The following SLC4A10 variants were observed in gnomAD, a reference collection of about 807,000 sequenced individuals.
SLC4A10 encodes the protein sodium-driven chloride bicarbonate exchanger.
A neutral mutation model predicts 137.7 loss-of-function variants in SLC4A10; 42 were observed. The ratio of observed to expected loss-of-function variants is 0.30; its 90% CI spans 0.24 to 0.39. The LOEUF is 0.39. SLC4A10 is among the 10% of genes least tolerant of loss of function. The probability of loss-of-function intolerance (pLI) is 1.00; values close to 1 mark genes in which losing one functional copy is unlikely to be tolerated. For synonymous variants in SLC4A10, 474 were observed against 464.1 expected, an observed-to-expected ratio of 1.02 and a Z score of -0.27; for missense variants, 925 against 1,355.0, an observed-to-expected ratio of 0.68 and a Z score of 4.98.
intron 23 of SLC4A10, among the ~76,000 whole-genome samples, chr2:161,966,820 A>G (rs910429648): frequency 6.6e-6 from 1 of 152,084 alleles, no homozygotes; most frequent in African/African-American, 2.4e-5. Context: ...GTTTGCTTTC[A>G]TCCTCAGATA....
At chr2:161,917,576 T>TA (rs774860851) in intron 15 of SLC4A10, among the ~76,000 whole-genome samples, 276 of 102,854 alleles carry the variant, frequency 2.7e-3, no homozygotes, top group Middle Eastern at 0.016. Flanking sequence ...AGACCCTGTC[T>TA]AAAAAAAAAA....
chr2:161,751,589 A>G (rs1280626977), intron 1 of SLC4A10, among the ~76,000 whole-genome samples: 6 of 151,754 alleles, frequency 4.0e-5, no homozygotes, highest in Non-Finnish European at 4.4e-5. Flanking sequence ...TTGATCATAT[A>G]TAGATATTTA....
chr2:161,884,916 A>G (rs1200407081), intron 10 of SLC4A10, among the ~76,000 whole-genome samples: 2 of 151,598 alleles, frequency 1.3e-5, no homozygotes, highest in Non-Finnish European at 3.0e-5. Context: ...AATGGCTTAC[A>G]TCTGTAATCC....
At chr2:161,690,532 T>C (rs553212583) in intron 1 of SLC4A10, among the ~76,000 whole-genome samples, 8 of 152,114 alleles carry the variant, frequency 5.3e-5, no homozygotes, top group African/African-American at 1.9e-4. Context: ...AGCAAAGACA[T>C]GGAATCAACC....
intron 1 of SLC4A10, among the ~76,000 whole-genome samples, chr2:161,680,206 C>T (rs1278207876): frequency 6.6e-6 from 1 of 152,058 alleles, no homozygotes; most frequent in East Asian, 1.9e-4. Flanking sequence ...TGTTGATTCA[C>T]TTATTCATTT....
intron 1 of SLC4A10, among the ~76,000 whole-genome samples, chr2:161,719,916 A>G (rs1182813941): frequency 6.6e-6 from 1 of 152,122 alleles, no homozygotes; most frequent in Non-Finnish European, 1.5e-5. Context: ...CCATTTGTCA[A>G]TTTTGGCTTT....
chr2:161,663,556 A>G (rs1331881251), intron 1 of SLC4A10, among the ~76,000 whole-genome samples: 1 of 152,134 alleles, frequency 6.6e-6, no homozygotes, highest in Non-Finnish European at 1.5e-5. Context: ...TTGAATCTAA[A>G]CATGTTACTT....
At chr2:161,834,409 C>A (rs1025197647) in intron 3 of SLC4A10, among the ~76,000 whole-genome samples, 1 of 152,066 alleles carries the variant, frequency 6.6e-6, no homozygotes, top group Admixed American at 6.5e-5. Flanking sequence ...ATTATAGCTA[C>A]CGGAATGGAA....
intron 16 of SLC4A10, 148 bp from the exon 17 acceptor site, chr2:161,947,418 G>T: frequency 1.3e-6 from 1 of 762,278 alleles, no homozygotes; most frequent in Non-Finnish European, 1.9e-6. Flanking sequence ...CTTGAAACTC[G>T]TAATGTAATG....
intron 1 of SLC4A10, among the ~76,000 whole-genome samples, chr2:161,695,815 T>A (rs147133814): frequency 0.01 from 1,563 of 152,282 alleles, 19 homozygotes; most frequent in Middle Eastern, 0.048. Flanking sequence ...TCTACGACAA[T>A]AAACACTAAA....
chr2:161,823,183 G>A (rs1486732460), intron 3 of SLC4A10, among the ~76,000 whole-genome samples: 15 of 152,076 alleles, frequency 9.9e-5, no homozygotes, highest in Admixed American at 7.2e-4. Context: ...AATTTATCAG[G>A]CCTTATGTAC....
intron 1 of SLC4A10, among the ~76,000 whole-genome samples, chr2:161,763,195 A>T (rs2050427955): frequency 6.6e-6 from 1 of 151,786 alleles, no homozygotes; most frequent in South Asian, 2.1e-4. Flanking sequence ...ACCATTTTCT[A>T]CTCTACCCTT....
At chr2:161,856,096 T>C (rs1161887311) in intron 5 of SLC4A10, among the ~76,000 whole-genome samples, 5 of 152,032 alleles carry the variant, frequency 3.3e-5, no homozygotes, top group African/African-American at 1.2e-4. Context: ...ATAGAAACTC[T>C]AAAATTGTCA....
intron 1 of SLC4A10, among the ~76,000 whole-genome samples, chr2:161,763,028 G>A (rs545092253): frequency 1.3e-5 from 2 of 152,144 alleles, no homozygotes; most frequent in East Asian, 3.9e-4. Flanking sequence ...CTTTGAAAGT[G>A]TTCCATACTT....
intron 3 of SLC4A10, among the ~76,000 whole-genome samples, chr2:161,837,043 G>A (rs2058861213): frequency 6.6e-6 from 1 of 152,074 alleles, no homozygotes; most frequent in Non-Finnish European, 1.5e-5. Flanking sequence ...TTTTCCCCCT[G>A]TGACCAGGAA....
At chr2:161,941,471 C>T (rs1482348519) in intron 15 of SLC4A10, among the ~76,000 whole-genome samples, 1 of 152,138 alleles carries the variant, frequency 6.6e-6, no homozygotes, top group Admixed American at 6.6e-5. Flanking sequence ...AGTAAGCTAA[C>T]ATGTCTATTA....
intron 24 of SLC4A10, 26 bp downstream of exon 24, chr2:161,974,342 C>T: frequency 6.5e-7 from 1 of 1,545,680 alleles, no homozygotes; most frequent in African/African-American, 1.4e-5. Context: ...AAAAACACAT[C>T]AATTAAAGTA....
chr2:161,939,484 G>A (rs555376259), intron 15 of SLC4A10, among the ~76,000 whole-genome samples: 1 of 152,116 alleles, frequency 6.6e-6, no homozygotes, highest in South Asian at 2.1e-4. Context: ...AACCTCTGTA[G>A]CTATAAGTAT....
intron 3 of SLC4A10, among the ~76,000 whole-genome samples, chr2:161,824,221 G>T (rs1477612042): frequency 6.6e-6 from 1 of 152,108 alleles, no homozygotes; most frequent in African/African-American, 2.4e-5. Context: ...GGTTTTGTAA[G>T]GACCTTTAAG....
Sources: allele counts gnomAD v4.1 joint callset (sites outside exome capture counted in the v4.1 genomes callset), GRCh38; gene constraint gnomAD v4.1.1; transcripts MANE v1.5; gene names NCBI Gene and HGNC (gene_info 2026-07-23, HGNC 2026-07-21).